TOP1: variants seen among roughly 807,000 people sequenced by gnomAD.
TOP1 encodes DNA topoisomerase 1.
A neutral mutation model predicts 111.1 loss-of-function variants in TOP1; 10 were observed. That is an observed-to-expected ratio of 0.09 (90% CI 0.06 to 0.15). The LOEUF (loss-of-function observed/expected upper bound fraction) is 0.15. TOP1 is among the 10% of genes least tolerant of loss of function. TOP1 has a pLI of 1.00. For synonymous variants in TOP1, 271 were observed against 302.9 expected (o/e 0.89, Z 1.10); for missense variants, 474 against 926.7 (o/e 0.51, Z 6.34).
chr20:41,119,192 C>A (rs2034381471), intron 18 of TOP1, among the ~76,000 whole-genome samples: 1 of 152,186 alleles, frequency 6.6e-6, no homozygotes, highest in African/African-American at 2.4e-5. Context: ...ATCAATGATA[C>A]TTTAAGATTT....
chr20:41,075,731 T>C (rs2145934699), intron 3 of TOP1, among the ~76,000 whole-genome samples: 1 of 152,362 alleles, frequency 6.6e-6, no homozygotes, highest in South Asian at 2.1e-4. Flanking sequence ...TCCACTGTAT[T>C]GGGCTGTTTA....
Position 41,083,319 on chromosome 20 carries a change from C to T in TOP1, c.508-1143C>T, listed in dbSNP as rs894317081. Among the ~76,000 whole-genome samples the T allele has an allele frequency of 1.3e-5, 2 of 152,204 alleles. No homozygotes were observed. Among genetic ancestry groups the T allele is most frequent in the African/African-American group, 4.8e-5 (2 of 41,456 alleles). On this transcript the variant is annotated intron_variant, in intron 7 of 20. Coordinates refer to ENST00000361337, the MANE Select transcript of TOP1 (RefSeq NM_003286.4). The surrounding 1 kb of genome is among the most constrained non-coding windows in gnomAD (Gnocchi z 7.2). Reference sequence around the variant, plus strand: ...TAGTACCTTCTCCCAAACATACCCACATATTTATATTCTCCGTGCCTGTTT... The same window carrying T: ...TAGTACCTTCTCCCAAACATACCCATATATTTATATTCTCCGTGCCTGTTT...
At chr20:41,120,517 A>G (rs2034406078) in intron 18 of TOP1, among the ~76,000 whole-genome samples, 1 of 152,202 alleles carries the variant, frequency 6.6e-6, no homozygotes, top group African/African-American at 2.4e-5. Flanking sequence ...CAGGGGCTCT[A>G]GCTCCATGTT....
chr20:41,106,746 AG>A lies in TOP1; in HGVS notation c.1308+5394del, dbSNP rs545872008. Among the ~76,000 whole-genome samples the A allele has an allele frequency of 2.0e-4, 30 of 152,246 alleles. 1 individual carries two copies. The South Asian group carries it at 6.2e-3, about 32-fold the overall frequency. ...TTGGGGTGTTGGTCTTGTATCTGGC[AG>A]CAGATACAAGAGGTGCTCAGAGTTG... On this transcript the variant is annotated intron_variant, in intron 13 of 20. Coordinates refer to ENST00000361337, the MANE Select transcript of TOP1 (RefSeq NM_003286.4). The surrounding 1 kb of genome is among the most constrained non-coding windows in gnomAD (Gnocchi z 4.3).
rs1228574523 is a variant in TOP1 at position 41,101,196 on chromosome 20, C to T, written c.1164-13C>T. 9.3e-6 allele frequency: 15 copies of T among 1,613,692 alleles called. No homozygotes were observed. Among genetic ancestry groups the T allele is most frequent in the African/African-American group, 1.3e-5 (1 of 74,912 alleles). ...CATCTTATTTCACTATCCTCGTGCT[C>T]TGTTATTTCCAGAGATGCCAAGGTT... On this transcript the variant is annotated splice_polypyrimidine_tract_variant and intron_variant, in intron 12 of 20. Coordinates refer to ENST00000361337, the MANE Select transcript of TOP1 (RefSeq NM_003286.4). This position sits in a 1 kb window ranked among gnomAD's most constrained non-coding sequence, Gnocchi z 4.1.
At chr20:41,037,645 T>C (rs1470468415) in intron 2 of TOP1, among the ~76,000 whole-genome samples, 5 of 152,218 alleles carry the variant, frequency 3.3e-5, no homozygotes, top group Non-Finnish European at 5.9e-5. Context: ...ATGAAAAAAT[T>C]TGATAAAGTC....
intron 8 of TOP1, among the ~76,000 whole-genome samples, chr20:41,088,777 G>C (rs1362890413): frequency 1.3e-5 from 2 of 152,070 alleles, no homozygotes; most frequent in Non-Finnish European, 2.9e-5. Context: ...AAAGTGGTAG[G>C]TTAGTTATAG....
chr20:41,093,637 GAA>G (rs977425237), intron 9 of TOP1, among the ~76,000 whole-genome samples: 12 of 152,072 alleles, frequency 7.9e-5, no homozygotes, highest in African/African-American at 2.4e-4. Context: ...GCACTGAAAA[GAA>G]AAAGTTCTGG....
At chr20:41,104,620 G>C (rs1386606917) in intron 13 of TOP1, among the ~76,000 whole-genome samples, 2 of 152,226 alleles carry the variant, frequency 1.3e-5, no homozygotes, top group Non-Finnish European at 2.9e-5. Flanking sequence ...TCTGGATGAT[G>C]ATCATGGTAG....
At chr20:41,120,661 G>A (rs1251015171) in intron 18 of TOP1, among the ~76,000 whole-genome samples, 7 of 152,238 alleles carry the variant, frequency 4.6e-5, no homozygotes. Flanking sequence ...TTCCATGAGA[G>A]TTCACATGGG....
rs1157151177 is a variant in TOP1 at position 41,092,183 on chromosome 20, A to G, written c.615-289A>G. 6.6e-6 allele frequency among the ~76,000 whole-genome samples: 1 copy of G among 152,134 alleles called. No individual in the cohort carries two copies. The highest frequency in any genetic ancestry group is 1.5e-5 in the Non-Finnish European group (1 of 68,022). Reference sequence around the variant, plus strand: ...AACTGTTTACATTTTCAAGTCCCTCACTTGTTACTGAGCTCCTTCATTGTT... The same window carrying G: ...AACTGTTTACATTTTCAAGTCCCTCGCTTGTTACTGAGCTCCTTCATTGTT... On this transcript the variant is annotated intron_variant, in intron 8 of 20. Transcript: ENST00000361337. The surrounding 1 kb of genome is among the most constrained non-coding windows in gnomAD (Gnocchi z 4.3).
intron 3 of TOP1, 127 bp from the exon 4 acceptor site, chr20:41,076,044 C>T: frequency 1.1e-6 from 1 of 924,672 alleles, no homozygotes; most frequent in Non-Finnish European, 1.6e-6. Flanking sequence ...CTACTTGAAC[C>T]TTCTGTCGGT....
intron 2 of TOP1, among the ~76,000 whole-genome samples, chr20:41,042,720 C>T (rs952983176): frequency 2.0e-5 from 3 of 152,192 alleles, no homozygotes; most frequent in Non-Finnish European, 4.4e-5. Flanking sequence ...TAACTTTTGA[C>T]TCCTCGAAAA....
At chr20:41,077,948 ATT>A (rs57349578) in intron 5 of TOP1, among the ~76,000 whole-genome samples, 44,675 of 129,056 alleles carry the variant, frequency 0.35, 7,812 homozygotes, top group East Asian at 0.7. Context: ...ACAGTGTACC[ATT>A]TTTTTTTTTT....
rs1267216769 is a variant in TOP1 at position 41,092,743 on chromosome 20, A to T, written c.730+156A>T. On this transcript the variant is annotated intron_variant, in intron 9 of 20. Transcript: ENST00000361337. The surrounding 1 kb of genome is among the most constrained non-coding windows in gnomAD (Gnocchi z 4.3). ...TTTTGAGGAAGGGGCATCAGGTGTTAACTCTTAAAGGCTCATTTGCTGCTG... is the reference window on the plus strand; with the variant it reads ...TTTTGAGGAAGGGGCATCAGGTGTTTACTCTTAAAGGCTCATTTGCTGCTG... 6.6e-6 allele frequency among the ~76,000 whole-genome samples: 1 copy of T among 152,210 alleles called. No homozygotes were observed. The highest frequency in any genetic ancestry group is 1.5e-5 in the Non-Finnish European group (1 of 68,024).
At chr20:41,104,839 G>A (rs2034120642) in intron 13 of TOP1, among the ~76,000 whole-genome samples, 1 of 152,160 alleles carries the variant, frequency 6.6e-6, no homozygotes, top group African/African-American at 2.4e-5. Flanking sequence ...TTCAAAGGTT[G>A]GGGTTTGATA....
chr20:41,029,139 C>T lies in TOP1; in HGVS notation c.33+39C>T. 7.0e-7 allele frequency: 1 copy of T among 1,426,736 alleles called. No homozygotes were observed. The highest frequency in any genetic ancestry group is 2.9e-5 in the Admixed American group (1 of 34,060). The allele number at this position is 1,426,736 out of a possible 1,614,324, so 88.4% of individuals were successfully genotyped here. A position where few individuals can be genotyped will look rare whatever the true frequency, so the allele number is the denominator to read the frequency against. On this transcript the variant is annotated intron_variant, in intron 1 of 20. Transcript: ENST00000361337. The surrounding 1 kb of genome is among the most constrained non-coding windows in gnomAD (Gnocchi z 6.1). ...TGACCCTGGCGGCCCCGGACCCCGGCCTGGCCGTCCCGCGACCCCCGGCGC... is the reference window on the plus strand; with the variant it reads ...TGACCCTGGCGGCCCCGGACCCCGGTCTGGCCGTCCCGCGACCCCCGGCGC...
intron 13 of TOP1, among the ~76,000 whole-genome samples, chr20:41,108,546 A>G (rs1232344376): frequency 6.6e-6 from 1 of 152,214 alleles, no homozygotes; most frequent in Non-Finnish European, 1.5e-5. Context: ...AACCACAATA[A>G]CACTTGCTCT....
rs1159870843 is a variant in TOP1, at chr20:41,028,966, C to A, written c.-102C>A. ...AGTCACCGCCGCTTACCTGCGCCTC[C>A]TCGAGCCTCCGGAGTCCCCGTCCGC... On this transcript the variant is annotated 5_prime_UTR_variant, in exon 1 of 21. Coordinates refer to ENST00000361337, the MANE Select transcript of TOP1 (RefSeq NM_003286.4). 1.9e-6 allele frequency: 2 copies of A among 1,027,064 alleles called. No homozygotes were observed. The highest frequency in any genetic ancestry group is 1.7e-5 in the African/African-American group (1 of 60,360). The allele number at this position is 1,027,064 out of a possible 1,614,324, so 63.6% of individuals were successfully genotyped here.
Sources: gnomAD v4.1 joint callset for allele counts (sites outside exome capture counted in the v4.1 genomes callset) on GRCh38, gnomAD v4.1.1 for gene constraint, Gnocchi (gnomAD v3.1) non-coding constraint, MANE v1.5 for transcripts, NCBI Gene and HGNC (gene_info 2026-07-23, HGNC 2026-07-21) for gene names.